Variants in SCN2A observed in about 807,000 individuals in gnomAD.
SCN2A encodes sodium voltage-gated channel alpha subunit 2.
A neutral mutation model predicts 188.7 loss-of-function variants in SCN2A; 20 were observed. The observed-to-expected ratio is 0.11, with a 90% CI of 0.07 to 0.15. The LOEUF (loss-of-function observed/expected upper bound fraction) is 0.15, where lower values mean the gene tolerates loss of function less well. Among genes scored for constraint, SCN2A ranks in the 10% least tolerant of loss-of-function variants. The pLI, the probability that SCN2A is intolerant of heterozygous loss-of-function variation, is 1.00. For synonymous variants in SCN2A, 804 were observed against 833.1 expected (o/e 0.97, Z 0.60); for missense variants, 1,278 against 2,445.0 (o/e 0.52, Z 10.07).
intron 1 of SCN2A, among the ~76,000 whole-genome samples, chr2:165,265,087 A>G (rs762818298): frequency 1.3e-5 from 2 of 152,064 alleles, no homozygotes; most frequent in Non-Finnish European, 2.9e-5. Context: ...GCTCCCACCA[A>G]CAGTGTATAA....
chr2:165,306,408 T>C, intron 3 of SCN2A, among the ~76,000 whole-genome samples: 1 of 152,112 alleles, frequency 6.6e-6, no homozygotes, highest in Non-Finnish European at 1.5e-5. Context: ...GGGGACCCTC[T>C]AGTTTTATAT....
intron 1 of SCN2A, chr2:165,294,041 T>TA: frequency 3.3e-6 from 1 of 307,398 alleles, no homozygotes; most frequent in Non-Finnish European, 4.0e-6. Context: ...AAAAAAAAGA[T>TA]TTTTTTTTTT....
chr2:165,244,501 T>C (rs1409413652), intron 1 of SCN2A, among the ~76,000 whole-genome samples: 1 of 151,928 alleles, frequency 6.6e-6, no homozygotes, highest in African/African-American at 2.4e-5. Flanking sequence ...TTAATAATAA[T>C]AATGAAAAAA....
At chr2:165,279,837 G>C (rs1695508001) in intron 1 of SCN2A, among the ~76,000 whole-genome samples, 1 of 152,174 alleles carries the variant, frequency 6.6e-6, no homozygotes. Context: ...TGTTGTGAGA[G>C]GGACCCAGTG....
intron 1 of SCN2A, among the ~76,000 whole-genome samples, chr2:165,260,900 G>A (rs866660182): frequency 2.7e-5 from 4 of 150,464 alleles, no homozygotes; most frequent in South Asian, 2.1e-4. Context: ...AACCCAGGAG[G>A]TGGAGGTTGC....
At chr2:165,326,682 A>G (rs1698375583) in intron 12 of SCN2A, among the ~76,000 whole-genome samples, 170 bp from the exon 13 acceptor site, 1 of 152,190 alleles carries the variant, frequency 6.6e-6, no homozygotes, top group African/African-American at 2.4e-5. Context: ...AAAATCTGAC[A>G]GACTTTTAAA....
chr2:165,361,695 G>T (rs1469026174), intron 17 of SCN2A, among the ~76,000 whole-genome samples: 2 of 152,022 alleles, frequency 1.3e-5, no homozygotes, highest in African/African-American at 2.4e-5. Context: ...AGACAGTGGG[G>T]AAGGATAAGA....
chr2:165,315,593 A>G lies in SCN2A; in HGVS notation c.1506A>G (p.Lys502=), dbSNP rs1697700086. 1 of 1,614,036 alleles carries G rather than the reference A, an allele frequency of 6.2e-7. No individual in the cohort carries two copies. Among genetic ancestry groups the G allele is most frequent in the Middle Eastern group, 1.6e-4 (1 of 6,062 alleles). ...GCTCCAAAAGTGAAAAAGAGCTGAAAAACAGAAGAAAGAAAAAGAAACAGA... is the reference window on the plus strand; with the variant it reads ...GCTCCAAAAGTGAAAAAGAGCTGAAGAACAGAAGAAAGAAAAAGAAACAGA... ...KLSSKSEKEL[K]NRRKKKKQKE... Residue 502 remains lysine, a synonymous_variant, in exon 11 of 27, where the codon AAA becomes AAG. Transcript: ENST00000375437.
chr2:165,381,692 A>T (rs905659794), intron 25 of SCN2A, among the ~76,000 whole-genome samples: 1 of 152,022 alleles, frequency 6.6e-6, no homozygotes, highest in Non-Finnish European at 1.5e-5. Flanking sequence ...GACAAACCTC[A>T]TATTTTCCCC....
intron 4 of SCN2A, 81 bp downstream of exon 4, chr2:165,308,018 C>G: frequency 1.1e-6 from 1 of 927,066 alleles, no homozygotes. Flanking sequence ...TCCTCAATTT[C>G]TTTAACAAAT....
intron 1 of SCN2A, among the ~76,000 whole-genome samples, chr2:165,241,927 G>A (rs990032993): frequency 1.3e-5 from 2 of 152,146 alleles, no homozygotes; most frequent in African/African-American, 2.4e-5. Context: ...CATAGGTGAG[G>A]CAAGTAAATA....
chr2:165,280,057 G>A (rs1695518629), intron 1 of SCN2A, among the ~76,000 whole-genome samples: 1 of 152,144 alleles, frequency 6.6e-6, no homozygotes, highest in South Asian at 2.1e-4. Context: ...GGAACTGTAA[G>A]TCCACTAAAC....
In SCN2A at chr2:165,354,329, A is replaced by G. The variant is rs1700074372; in HGVS notation, c.3057A>G (p.Arg1019=). 1 of 1,614,160 alleles carries G rather than the reference A, an allele frequency of 6.2e-7. No homozygotes were observed. ...RMQKGIDFVK[R]KIREFIQKAF... ...AGAAAGGAATCGATTTTGTTAAAAGAAAAATACGTGAATTTATTCAGAAAG... is the reference window on the plus strand; with the variant it reads ...AGAAAGGAATCGATTTTGTTAAAAGGAAAATACGTGAATTTATTCAGAAAG... Residue 1019 remains arginine (R), a synonymous_variant, in exon 17 of 27, where the codon AGA becomes AGG. Transcript: ENST00000375437.
At chr2:165,265,801 TC>T (rs1302024790) in intron 1 of SCN2A, among the ~76,000 whole-genome samples, 3 of 151,340 alleles carry the variant, frequency 2.0e-5, no homozygotes, top group Non-Finnish European at 4.4e-5. Flanking sequence ...ATACTTTTTT[TC>T]CTTCTTCTTT....
chr2:165,380,813 A>G, intron 24 of SCN2A, 84 bp downstream of exon 24: 1 of 1,101,412 alleles, frequency 9.1e-7, no homozygotes, highest in Non-Finnish European at 1.3e-6. Context: ...AAATGCAATC[A>G]CCAAAAAAAG....
intron 25 of SCN2A, among the ~76,000 whole-genome samples, chr2:165,386,166 T>G (rs780198451): frequency 1.3e-5 from 2 of 152,068 alleles, no homozygotes; most frequent in Non-Finnish European, 2.9e-5. Context: ...TGAGGTAGCA[T>G]TAAGAGATAA....
chr2:165,308,634 T>C (rs1271628878), intron 4 of SCN2A, 32 bp from the exon 5 acceptor site: 1 of 1,606,196 alleles, frequency 6.2e-7, no homozygotes. Context: ...AACCACTAGA[T>C]TTTTAATGTG....
In SCN2A at chr2:165,361,060, G is replaced by A. The variant is rs759367857; in HGVS notation, c.3400-4083G>A. On this transcript the variant is annotated intron_variant, in intron 17 of 26. Coordinates refer to ENST00000375437, the MANE Select transcript of SCN2A (RefSeq NM_001040142.2). ...CTAATTTGATTAATTTTATTTTATG[G>A]GCTTTTACACATTTTAACTGCTTTA... Among the ~76,000 whole-genome samples, 60 of 151,694 alleles carry A rather than the reference G, an allele frequency of 4.0e-4. 1 individual carries two copies. In the Middle Eastern group the frequency reaches 0.031, roughly 78 times the overall value.
intron 1 of SCN2A, among the ~76,000 whole-genome samples, chr2:165,264,513 T>C (rs1299185310): frequency 6.6e-6 from 1 of 152,070 alleles, no homozygotes; most frequent in Non-Finnish European, 1.5e-5. Flanking sequence ...TGGAGAAAAG[T>C]TGAAAGCATT....
Sources: allele counts gnomAD v4.1 joint callset (sites outside exome capture counted in the v4.1 genomes callset), GRCh38; gene constraint gnomAD v4.1.1; transcripts MANE v1.5; gene names NCBI Gene and HGNC (gene_info 2026-07-23, HGNC 2026-07-21).